FAM107B: variants seen among roughly 807,000 people sequenced by gnomAD.
FAM107B encodes protein FAM107B.
Under a neutral mutation model 31.5 loss-of-function variants are expected in FAM107B, and 21 were observed. The observed-to-expected ratio is 0.67, with a 90% confidence interval of 0.47 to 0.96. The LOEUF is 0.96. Among genes scored for constraint, FAM107B ranks in the 40% least tolerant of loss-of-function variants. The pLI is 0.00. For missense variants in FAM107B, 452 were observed against 377.1 expected, an observed-to-expected ratio of 1.20 and a Z score of -1.64; for synonymous variants, 157 against 141.5, an observed-to-expected ratio of 1.11 and a Z score of -0.78.
chr10:14,610,039 C>T (rs138946158), intron 2 of FAM107B, among the ~76,000 whole-genome samples: 5 of 152,274 alleles, frequency 3.3e-5, no homozygotes, highest in South Asian at 2.1e-4. Flanking sequence ...GAAAGGAAAA[C>T]GAAGTTAAGA....
intron 2 of FAM107B, among the ~76,000 whole-genome samples, chr10:14,587,268 A>T (rs868111825): frequency 9.9e-5 from 15 of 152,178 alleles, no homozygotes; most frequent in African/African-American, 3.1e-4. Context: ...ATACATCTGA[A>T]AAAAGCCTGA....
At chr10:14,734,380 G>C (rs2601752) in intron 1 of FAM107B, among the ~76,000 whole-genome samples, 47,443 of 151,902 alleles carry the variant, frequency 0.31, 8,019 homozygotes, top group African/African-American at 0.45. Context: ...ACTAAATCAA[G>C]CTTGTCCAAC....
intron 2 of FAM107B, among the ~76,000 whole-genome samples, chr10:14,591,494 T>C (rs1251120674): frequency 6.6e-6 from 1 of 152,222 alleles, no homozygotes; most frequent in African/African-American, 2.4e-5. Context: ...TGTTGTCAGT[T>C]TTCCCCGATA....
intron 2 of FAM107B, among the ~76,000 whole-genome samples, chr10:14,598,463 C>T (rs562406767): frequency 2.8e-4 from 43 of 152,286 alleles, no homozygotes; most frequent in African/African-American, 1.0e-3. Context: ...AGGACAAATA[C>T]CATGTGACTC....
chr10:14,526,566 T>C (rs1846257969), intron 3 of FAM107B, among the ~76,000 whole-genome samples: 1 of 152,230 alleles, frequency 6.6e-6, no homozygotes, highest in South Asian at 2.1e-4. Context: ...CCTGCATGGA[T>C]TGGAACACAA....
At chr10:14,686,408 A>AT (rs35950378) in intron 1 of FAM107B, among the ~76,000 whole-genome samples, 2 of 150,764 alleles carry the variant, frequency 1.3e-5, no homozygotes, top group Non-Finnish European at 2.9e-5. Flanking sequence ...AAAAAAAAAA[A>AT]GTGTGGTGGC....
chr10:14,663,740 G>A (rs968884159), intron 2 of FAM107B, among the ~76,000 whole-genome samples: 9 of 152,082 alleles, frequency 5.9e-5, no homozygotes, highest in Admixed American at 3.3e-4. Flanking sequence ...ACAATTATCT[G>A]AGGGCAGAAG....
chr10:14,535,391 A>G (rs11259164), intron 2 of FAM107B, among the ~76,000 whole-genome samples: 40,468 of 152,130 alleles, frequency 0.27, 5,955 homozygotes, highest in Middle Eastern at 0.33. Flanking sequence ...AAGCTATTAT[A>G]AGCCCAACTA....
chr10:14,687,879 A>G (rs957746279), intron 1 of FAM107B, among the ~76,000 whole-genome samples: 2 of 152,232 alleles, frequency 1.3e-5, no homozygotes, highest in Non-Finnish European at 2.9e-5. Context: ...TCATGTACAC[A>G]CATACACACA....
intron 2 of FAM107B, among the ~76,000 whole-genome samples, chr10:14,541,051 A>C (rs911888617): frequency 6.6e-6 from 1 of 152,064 alleles, no homozygotes; most frequent in African/African-American, 2.4e-5. Context: ...ATTTCTCCCA[A>C]AGGTTCTATC....
chr10:14,537,847 A>T (rs1023473310), intron 2 of FAM107B, among the ~76,000 whole-genome samples: 1 of 151,842 alleles, frequency 6.6e-6, no homozygotes, highest in African/African-American at 2.4e-5. Context: ...AAAAAAAAAA[A>T]AAAAAATGAA....
intron 2 of FAM107B, among the ~76,000 whole-genome samples, chr10:14,615,993 A>G (rs868343318): frequency 3.3e-5 from 5 of 152,262 alleles, no homozygotes; most frequent in Admixed American, 6.5e-5. Flanking sequence ...TCCCAATTGT[A>G]TAAAAGAATC....
rs528989442 is a variant in FAM107B, at chr10:14,566,360, C to T, written c.470-35845G>A. Reference sequence around the variant, plus strand: ...ATGTCACTCCTGTGAAGCCATCATGCTGCAATCTTCCATCCTTGCCAGCTG... The same window carrying T: ...ATGTCACTCCTGTGAAGCCATCATGTTGCAATCTTCCATCCTTGCCAGCTG... On this transcript the variant is annotated intron_variant, in intron 2 of 4. Coordinates refer to ENST00000181796, the MANE Select transcript of FAM107B (RefSeq NM_031453.4). Among the ~76,000 whole-genome samples the T allele has an allele frequency of 2.0e-5, 3 of 152,314 alleles. No individual in the cohort carries two copies. In the South Asian group the frequency reaches 6.2e-4, roughly 32 times the overall value.
intron 1 of FAM107B, among the ~76,000 whole-genome samples, chr10:14,682,912 T>C (rs1854873745): frequency 6.6e-6 from 1 of 151,490 alleles, no homozygotes; most frequent in South Asian, 2.1e-4. Context: ...GAAAAATAAA[T>C]AAATAAATAA....
At chr10:14,593,508 T>C (rs1210616925) in intron 2 of FAM107B, among the ~76,000 whole-genome samples, 1 of 152,046 alleles carries the variant, frequency 6.6e-6, no homozygotes, top group Non-Finnish European at 1.5e-5. Context: ...TGAAACCCCA[T>C]GTCTAATAAA....
At chr10:14,530,622 TC>T in intron 2 of FAM107B, 107 bp from the exon 3 acceptor site, 1 of 1,006,714 alleles carries the variant, frequency 9.9e-7, no homozygotes, top group Non-Finnish European at 1.5e-6. Context: ...CATGCCATCC[TC>T]CTGAGTCCAC....
chr10:14,744,842 G>C (rs964939602), intron 1 of FAM107B, among the ~76,000 whole-genome samples: 6 of 152,072 alleles, frequency 3.9e-5, no homozygotes, highest in African/African-American at 1.2e-4. Flanking sequence ...AAATGGTACA[G>C]CTCCTCTTTG....
intron 2 of FAM107B, among the ~76,000 whole-genome samples, chr10:14,545,125 T>C (rs572178820): frequency 2.0e-5 from 3 of 152,184 alleles, no homozygotes; most frequent in South Asian, 4.1e-4. Context: ...ATCATACAGA[T>C]AGGGAAATTA....
At chr10:14,639,662 G>T (rs116996329) in intron 2 of FAM107B, among the ~76,000 whole-genome samples, 1,946 of 152,194 alleles carry the variant, frequency 0.013, 22 homozygotes, top group Non-Finnish European at 0.021. Context: ...AGGGCTTCCT[G>T]GTTATGGTAT....
Sources: allele counts gnomAD v4.1 joint callset (sites outside exome capture counted in the v4.1 genomes callset), GRCh38; gene constraint gnomAD v4.1.1; transcripts MANE v1.5; gene names NCBI Gene and HGNC (gene_info 2026-07-23, HGNC 2026-07-21).